The following ZMAT1 variants were observed in gnomAD, a reference collection of about 807,000 sequenced individuals.
ZMAT1 encodes zinc finger matrin-type protein 1.
ZMAT1 carries 11 observed loss-of-function variants against 18.5 expected under a neutral mutation model. The ratio of observed to expected loss-of-function variants is 0.59; its 90% CI spans 0.37 to 0.98. ZMAT1 has a LOEUF of 0.98. ZMAT1 is among the 50% of genes least tolerant of loss of function. The pLI is 0.01. For missense variants in ZMAT1, 525 were observed against 496.2 expected (o/e 1.06, Z -0.55); for synonymous variants, 211 against 176.4 (o/e 1.20, Z -1.55).
chrX:101,931,098 C>T (rs765482247), intron 1 of ZMAT1, among the ~76,000 whole-genome samples: 7 of 111,814 alleles, frequency 6.3e-5, no homozygotes, highest in Admixed American at 9.5e-5. Context: ...TCCCCTCCAC[C>T]AGACCTTACC....
In ZMAT1 at chrX:101,903,678, G is replaced by C. The variant is rs183839315; in HGVS notation, c.399+546C>G. Among the ~76,000 whole-genome samples the C allele has an allele frequency of 1.3e-4, 14 of 111,726 alleles. No homozygotes were observed. In the Admixed American group the frequency reaches 1.3e-3, roughly 11 times the overall value. ...CATTTTTAGGCTTAGTCATACCAGT[G>C]ATTAGCCATGGAGAAGTATTAATCC... On this transcript the variant is annotated intron_variant, in intron 2 of 5. Coordinates refer to ENST00000651725, the MANE Select transcript of ZMAT1 (RefSeq NM_001394560.1).
At chrX:101,889,734 A>G (rs1222717034) in intron 4 of ZMAT1, 2 of 111,666 alleles carry the variant, frequency 1.8e-5, no homozygotes, top group Non-Finnish European at 3.8e-5. Context: ...AGAGCTGCAC[A>G]TAATCAAAAC....
At chrX:101,898,790 C>T (rs1928006397) in intron 2 of ZMAT1, among the ~76,000 whole-genome samples, 1 of 111,928 alleles carries the variant, frequency 8.9e-6, no homozygotes, top group African/African-American at 3.3e-5. Flanking sequence ...GTGGCTCACG[C>T]CTGTAATCCC....
At position 101,930,380 on chromosome X, in the gene ZMAT1, A is replaced by G. The variant is rs373016688; in HGVS notation, c.292+1337T>C. On this transcript the variant is annotated intron_variant, in intron 1 of 5. Coordinates refer to ENST00000651725, the MANE Select transcript of ZMAT1 (RefSeq NM_001394560.1). ...TCTTTCAAAGGTTGACTTTAGTAAG[A>G]GAGTTGATAAATAAAACATTACAGT... Among the ~76,000 whole-genome samples, 24 of 112,610 alleles carry G rather than the reference A, an allele frequency of 2.1e-4. No homozygotes were observed. The South Asian group carries it at 8.0e-3, about 38-fold the overall frequency.
intron 1 of ZMAT1, among the ~76,000 whole-genome samples, chrX:101,918,143 T>G (rs1350134632): frequency 1.8e-5 from 2 of 111,460 alleles, no homozygotes; most frequent in South Asian, 3.8e-4. Flanking sequence ...TTATTGTCAG[T>G]AATAACCATA....
chrX:101,895,090 A>G (rs750148433), intron 4 of ZMAT1, among the ~76,000 whole-genome samples: 108 of 111,038 alleles, frequency 9.7e-4, no homozygotes, highest in African/African-American at 3.3e-3. Flanking sequence ...TTTCTGGACC[A>G]TTATGCTTCA....
chrX:101,922,792 T>C (rs1289770990), intron 1 of ZMAT1, among the ~76,000 whole-genome samples: 2 of 111,246 alleles, frequency 1.8e-5, no homozygotes, highest in Non-Finnish European at 3.8e-5. Flanking sequence ...CCCCCACTAT[T>C]TGAGACATGA....
intron 1 of ZMAT1, among the ~76,000 whole-genome samples, chrX:101,910,918 G>C (rs1156487251): frequency 9.0e-6 from 1 of 111,255 alleles, no homozygotes; most frequent in Admixed American, 9.5e-5. Flanking sequence ...CAATATCCAA[G>C]TACAAGAACA....
chrX:101,901,521 C>T (rs1928231597), intron 2 of ZMAT1, among the ~76,000 whole-genome samples: 3 of 111,264 alleles, frequency 2.7e-5, no homozygotes, highest in African/African-American at 6.5e-5. Flanking sequence ...ACAATATAAT[C>T]GAAACCCATA....
rs1928464139 is a variant in ZMAT1, at chrX:101,904,477, G to A, written c.293-147C>T. ...CAGTAACAGCTTTTTGTTCGAGTGTGCAATTTAATATGCACATACTAAGTA... is the reference window on the plus strand; with the variant it reads ...CAGTAACAGCTTTTTGTTCGAGTGTACAATTTAATATGCACATACTAAGTA... On this transcript the variant is annotated intron_variant, in intron 1 of 5. Transcript: ENST00000651725. The A allele has an allele frequency of 2.3e-5, 10 of 435,849 alleles. No individual in the cohort carries two copies. In the South Asian group the frequency reaches 2.9e-4, roughly 13 times the overall value. The allele number at this position is 435,849 out of a possible 1,213,427, so 35.9% of individuals were successfully genotyped here.
chrX:101,919,172 A>G (rs1421523199), intron 1 of ZMAT1, among the ~76,000 whole-genome samples: 1 of 111,667 alleles, frequency 9.0e-6, no homozygotes, highest in Non-Finnish European at 1.9e-5. Flanking sequence ...TACCTAGTTC[A>G]GGCCCTCAGT....
intron 4 of ZMAT1, 49 bp downstream of exon 4, chrX:101,897,819 A>C: frequency 8.8e-7 from 1 of 1,132,615 alleles, no homozygotes. Flanking sequence ...TAGACAAAAC[A>C]TGATAGGTAG....
intron 2 of ZMAT1, among the ~76,000 whole-genome samples, chrX:101,899,866 TA>T (rs1928101521): frequency 8.9e-6 from 1 of 112,196 alleles, no homozygotes; most frequent in Non-Finnish European, 1.9e-5. Flanking sequence ...CTTAGTTATT[TA>T]AGGAATCTCC....
chrX:101,888,308 C>T (rs1375229727), intron 4 of ZMAT1: 3 of 111,242 alleles, frequency 2.7e-5, no homozygotes, highest in African/African-American at 9.8e-5. Flanking sequence ...TCACAACAAC[C>T]TCTTTTAGGA....
chrX:101,904,928 C>T (rs1305409993), intron 1 of ZMAT1, among the ~76,000 whole-genome samples: 1 of 111,758 alleles, frequency 8.9e-6, no homozygotes, highest in African/African-American at 3.3e-5. Context: ...TACAGCAAGA[C>T]ACTGTTTCAA....
chrX:101,920,165 T>C (rs1211818022), intron 1 of ZMAT1, among the ~76,000 whole-genome samples: 1 of 109,255 alleles, frequency 9.2e-6, no homozygotes, highest in Non-Finnish European at 1.9e-5. Context: ...CAGCCTCCCA[T>C]GTAGCTGGGA....
At chrX:101,913,285 C>T (rs1472176963) in intron 1 of ZMAT1, among the ~76,000 whole-genome samples, 1 of 110,845 alleles carries the variant, frequency 9.0e-6, no homozygotes, top group Non-Finnish European at 1.9e-5. Context: ...GAAGAGAAGA[C>T]CACAAAACAA....
chrX:101,902,192 T>G (rs888348193), intron 2 of ZMAT1, among the ~76,000 whole-genome samples: 2 of 111,914 alleles, frequency 1.8e-5, no homozygotes, highest in African/African-American at 6.5e-5. Context: ...TATATGATAG[T>G]TTATTATTTT....
intron 1 of ZMAT1, among the ~76,000 whole-genome samples, chrX:101,909,025 G>A (rs751566649): frequency 7.4e-5 from 8 of 108,455 alleles, no homozygotes; most frequent in African/African-American, 2.0e-4. Flanking sequence ...TCTGCTTGAG[G>A]AGAGGAGAGG....
Sources: gnomAD v4.1 joint callset for allele counts (sites outside exome capture counted in the v4.1 genomes callset) on GRCh38, gnomAD v4.1.1 for gene constraint, MANE v1.5 for transcripts, NCBI Gene and HGNC (gene_info 2026-07-23, HGNC 2026-07-21) for gene names.